ZNF483: variants seen among roughly 807,000 people sequenced by gnomAD.
ZNF483 encodes zinc finger protein 483, also known as zinc finger protein HIT-10.
In ZNF483, 9 loss-of-function variants were observed where a neutral mutation model predicts 28.6. The ratio of observed to expected loss-of-function variants is 0.32; its 90% CI spans 0.19 to 0.55. The LOEUF is 0.55. ZNF483 is among the 20% of genes least tolerant of loss of function. The probability of loss-of-function intolerance (pLI) is 0.93; values close to 1 mark genes in which losing one functional copy is unlikely to be tolerated. For synonymous variants in ZNF483, 322 were observed against 306.2 expected (o/e 1.05, Z -0.54); for missense variants, 675 against 871.7 (o/e 0.77, Z 2.84).
At chr9:111,574,738 G>C in intron 5 of ZNF483, 1 of 1,611,024 alleles carries the variant, frequency 6.2e-7, no homozygotes. Context: ...CATTACCTGG[G>C]GGAAGTGGGC....
chr9:111,529,963 CTT>C (rs1418212997), intron 2 of ZNF483, among the ~76,000 whole-genome samples: 2 of 152,152 alleles, frequency 1.3e-5, no homozygotes, highest in Non-Finnish European at 2.9e-5. Flanking sequence ...GAAAGACAGT[CTT>C]TTTGTTATTT....
In ZNF483 at chr9:111,554,385, C is replaced by T. The variant is rs1209911072; in HGVS notation, c.*11215C>T. On this transcript the variant is annotated 3_prime_UTR_variant, in exon 6 of 6. Transcript: ENST00000309235. ...ACTTAAAGGGAGGCTTGAAATACAG[C>T]TTTCCCCTCATTGTGGTGAGCACAT... Among the ~76,000 whole-genome samples the T allele has an allele frequency of 1.3e-5, 2 of 152,204 alleles. No individual in the cohort carries two copies. The highest frequency in any genetic ancestry group is 2.9e-5 in the Non-Finnish European group (2 of 68,038).
In ZNF483 at chr9:111,544,092, A is replaced by G; in HGVS notation, c.*922A>G. Reference sequence around the variant, plus strand: ...ACTCTTTTTCTTTTGGGCATTGGCCAACAGGACTGAGAAGCCAGAGAGCTT... The same window carrying G: ...ACTCTTTTTCTTTTGGGCATTGGCCGACAGGACTGAGAAGCCAGAGAGCTT... On this transcript the variant is annotated 3_prime_UTR_variant, in exon 6 of 6. Coordinates refer to ENST00000309235, the MANE Select transcript of ZNF483 (RefSeq NM_133464.5). 2 of 985,488 alleles carry G rather than the reference A, an allele frequency of 2.0e-6. No individual in the cohort carries two copies. The highest frequency in any genetic ancestry group is 2.4e-6 in the Non-Finnish European group (2 of 829,960). The allele number at this position is 985,488 out of a possible 1,614,324, so 61.0% of individuals were successfully genotyped here.
chr9:111,536,084 G>A (rs74913239), intron 5 of ZNF483, among the ~76,000 whole-genome samples: 17,814 of 150,044 alleles, frequency 0.12, 1,224 homozygotes, highest in Non-Finnish European at 0.15. Flanking sequence ...TAGTAGAGAT[G>A]GCGTTTCCCC....
chr9:111,570,154 G>A (rs755635426), intron 5 of ZNF483: 4 of 1,614,142 alleles, frequency 2.5e-6, no homozygotes, highest in Non-Finnish European at 3.4e-6. Context: ...GCCAGCGGTA[G>A]ACGACAAAAG....
rs960016680 is a variant in ZNF483 at position 111,553,407 on chromosome 9, A to G, written c.*10237A>G. On this transcript the variant is annotated 3_prime_UTR_variant, in exon 6 of 6. Transcript: ENST00000309235. ...TAACCTAGAAAATAATTATAATGAAAATATTAAGTATCTCATTTTAGGATT... is the reference window on the plus strand; with the variant it reads ...TAACCTAGAAAATAATTATAATGAAGATATTAAGTATCTCATTTTAGGATT... Among the ~76,000 whole-genome samples the G allele has an allele frequency of 2.0e-5, 3 of 152,184 alleles. No individual in the cohort carries two copies. Among genetic ancestry groups the G allele is most frequent in the African/African-American group, 7.2e-5 (3 of 41,448 alleles).
intron 5 of ZNF483, among the ~76,000 whole-genome samples, chr9:111,540,857 T>C (rs1226357838): frequency 6.6e-5 from 10 of 152,188 alleles, no homozygotes; most frequent in Non-Finnish European, 1.3e-4. Context: ...ACATGTGACC[T>C]TGGGCAGGCT....
At position 111,569,075 on chromosome 9, in the gene ZNF483, G is replaced by T. The variant is rs116765390; in HGVS notation, c.722-7290G>T. 2.3e-3 allele frequency among the ~76,000 whole-genome samples: 355 copies of T among 152,286 alleles called. 2 individuals carry two copies. Among genetic ancestry groups the T allele is most frequent in the African/African-American group, 8.4e-3 (349 of 41,552 alleles). ...AATATGGAGCATGTTGAGCAGGAAAGATCAAAATATATTTAGTTTTCAAGA... is the reference window on the plus strand; with the variant it reads ...AATATGGAGCATGTTGAGCAGGAAATATCAAAATATATTTAGTTTTCAAGA... On this transcript the variant is annotated intron_variant, in intron 5 of 5. Transcript: ENST00000358151.
intron 2 of ZNF483, among the ~76,000 whole-genome samples, chr9:111,530,538 C>A (rs1827298536): frequency 6.6e-6 from 1 of 151,452 alleles, no homozygotes; most frequent in African/African-American, 2.4e-5. Context: ...CAGTCTTGGA[C>A]TGAGGCCTTA....
At position 111,543,091 on chromosome 9, in the gene ZNF483, A is replaced by G; in HGVS notation, c.2156A>G (p.Tyr719Cys). Reference sequence around the variant, plus strand: ...AAAATTCATACCGGAAGGAGAGAATATGAATGTAACGAATGTGAGAAGACA... The same window carrying G: ...AAAATTCATACCGGAAGGAGAGAATGTGAATGTAACGAATGTGAGAAGACA... The part of the protein sequence containing the change: ...HLKIHTGRRE[Y>C]ECNECEKTFK... The change falls in exon 6 of 6, where the codon TAT becomes TGT. Residue 719 changes from tyrosine to cysteine, a missense_variant. By Grantham distance (194) the Tyr-to-Cys change is radical. Coordinates refer to ENST00000309235, the MANE Select transcript of ZNF483 (RefSeq NM_133464.5). 6.2e-7 allele frequency: 1 copy of G among 1,614,134 alleles called. No individual in the cohort carries two copies. Among genetic ancestry groups the G allele is most frequent in the Non-Finnish European group, 8.5e-7 (1 of 1,180,000 alleles).
At chr9:111,566,193 C>A (rs7871740) in intron 5 of ZNF483, among the ~76,000 whole-genome samples, 10,378 of 151,952 alleles carry the variant, frequency 0.068, 585 homozygotes, top group African/African-American at 0.15. Context: ...ACAGAGTGAG[C>A]CTCCATGTCA....
chr9:111,561,110 T>TATATATATATATATATAG (rs1457364862), intron 5 of ZNF483, among the ~76,000 whole-genome samples: 1 of 19,198 alleles, frequency 5.2e-5, no homozygotes, highest in African/African-American at 3.9e-4. Context: ...TATATATATA[T>TATATATATATATATATAG]AGAGAGAGAG....
intron 5 of ZNF483, among the ~76,000 whole-genome samples, chr9:111,540,395 C>G (rs1251352354): frequency 6.6e-6 from 1 of 152,160 alleles, no homozygotes; most frequent in East Asian, 1.9e-4. Context: ...AGTGTGACCT[C>G]ATGGTAAAAA....
intron 5 of ZNF483, among the ~76,000 whole-genome samples, chr9:111,537,511 C>G (rs556008028): frequency 6.6e-6 from 1 of 152,266 alleles, no homozygotes; most frequent in East Asian, 1.9e-4. Flanking sequence ...CAGCGCCTGG[C>G]CTACCTGGCA....
At chr9:111,532,145 A>G (rs2132227551) in intron 3 of ZNF483, among the ~76,000 whole-genome samples, 1 of 152,186 alleles carries the variant, frequency 6.6e-6, no homozygotes, top group Non-Finnish European at 1.5e-5. Context: ...CCTCGTCTAT[A>G]TAAAAAATTT....
intron 5 of ZNF483, chr9:111,539,533 G>A (rs1189629242): frequency 8.9e-6 from 4 of 449,080 alleles, no homozygotes; most frequent in Non-Finnish European, 1.8e-5. Flanking sequence ...GGAGGCCAAG[G>A]CAGGTGGATC....
intron 3 of ZNF483, among the ~76,000 whole-genome samples, chr9:111,532,903 C>T (rs1374973776): frequency 2.0e-5 from 3 of 147,008 alleles, no homozygotes; most frequent in African/African-American, 5.1e-5. Context: ...AGTGAGACTC[C>T]GTCTCAAAAA....
chr9:111,541,599 A>G, intron 5 of ZNF483, 58 bp from the exon 6 acceptor site: 2 of 1,442,216 alleles, frequency 1.4e-6, no homozygotes, highest in Non-Finnish European at 1.9e-6. Context: ...TTCAGACCCA[A>G]AATACAACAG....
downstream of ZNF483, among the ~76,000 whole-genome samples, chr9:111,559,220 G>A (rs1828205832): frequency 6.6e-6 from 1 of 152,032 alleles, no homozygotes; most frequent in Admixed American, 6.5e-5. Context: ...CCTCTGCTAG[G>A]GATCACATAC....
Sources: allele counts gnomAD v4.1 joint callset (sites outside exome capture counted in the v4.1 genomes callset), GRCh38; gene constraint gnomAD v4.1.1; transcripts MANE v1.5; gene names NCBI Gene and HGNC (gene_info 2026-07-23, HGNC 2026-07-21).